The following SLAIN2 variants were observed in gnomAD, a reference collection of about 807,000 sequenced individuals.
The protein encoded by SLAIN2 is SLAIN family member 2.
In SLAIN2, 31 loss-of-function variants were observed where a neutral mutation model predicts 56.6. That is an observed-to-expected ratio of 0.55 (90% confidence interval 0.41 to 0.74). The LOEUF (loss-of-function observed/expected upper bound fraction) is 0.74, where lower values mean the gene tolerates loss of function less well. SLAIN2 is among the 30% of genes least tolerant of loss of function. The probability of loss-of-function intolerance (pLI) is 0.00; values close to 1 mark genes in which losing one functional copy is unlikely to be tolerated. For synonymous variants in SLAIN2, 317 were observed against 284.9 expected (o/e 1.11, Z -1.13); for missense variants, 777 against 754.2 (o/e 1.03, Z -0.35).
chr4:48,388,750 C>G (rs527590857), intron 6 of SLAIN2, among the ~76,000 whole-genome samples: 1 of 152,320 alleles, frequency 6.6e-6, no homozygotes, highest in South Asian at 2.1e-4. Context: ...GGAAAACATT[C>G]TTGAATGACT....
At chr4:48,354,560 G>A (rs1336160478) in intron 1 of SLAIN2, among the ~76,000 whole-genome samples, 2 of 152,038 alleles carry the variant, frequency 1.3e-5, no homozygotes, top group African/African-American at 2.4e-5. Flanking sequence ...TTTGCAGCCC[G>A]GGTTCAAGCG....
intron 1 of SLAIN2, among the ~76,000 whole-genome samples, chr4:48,359,389 T>C (rs1198611731): frequency 6.6e-6 from 1 of 152,246 alleles, no homozygotes; most frequent in Non-Finnish European, 1.5e-5. Flanking sequence ...AATATAACTT[T>C]TATTTTTATC....
intron 1 of SLAIN2, among the ~76,000 whole-genome samples, chr4:48,344,258 C>T (rs1284861197): frequency 1.3e-5 from 2 of 152,032 alleles, no homozygotes; most frequent in African/African-American, 2.4e-5. Context: ...ATTTAAAATG[C>T]GTTGGGGTAT....
chr4:48,392,315 CTGT>C (rs934797234), intron 6 of SLAIN2, among the ~76,000 whole-genome samples: 9 of 152,242 alleles, frequency 5.9e-5, no homozygotes, highest in East Asian at 1.9e-4. Flanking sequence ...CTGTAGATAA[CTGT>C]TGTTATTACA....
chr4:48,354,727 G>A (rs930927746), intron 1 of SLAIN2, among the ~76,000 whole-genome samples: 5 of 152,082 alleles, frequency 3.3e-5, no homozygotes, highest in Admixed American at 3.3e-4. Flanking sequence ...GCCTCCCAGA[G>A]TGCTGGGATT....
At chr4:48,365,306 T>C (rs1472102043) in intron 1 of SLAIN2, among the ~76,000 whole-genome samples, 1 of 151,600 alleles carries the variant, frequency 6.6e-6, no homozygotes, top group Admixed American at 6.6e-5. Flanking sequence ...CCGTCTCTAC[T>C]AAAAATACAA....
At chr4:48,378,131 T>C (rs1715877141) in intron 3 of SLAIN2, 71 bp downstream of exon 3, 2 of 1,474,354 alleles carry the variant, frequency 1.4e-6, no homozygotes, top group Non-Finnish European at 9.2e-7. Context: ...GAAAATAACA[T>C]TCATCTGCAG....
intron 6 of SLAIN2, among the ~76,000 whole-genome samples, chr4:48,389,023 A>G (rs1196960405): frequency 6.6e-6 from 1 of 152,204 alleles, no homozygotes; most frequent in African/African-American, 2.4e-5. Flanking sequence ...TGAGGAAGGA[A>G]TTCCCATCCA....
rs1197949593 is a variant in SLAIN2 at position 48,341,717 on chromosome 4, G to A, written c.-23G>A. 2 of 1,474,396 alleles carry A rather than the reference G, an allele frequency of 1.4e-6. No homozygotes were observed. The highest frequency in any genetic ancestry group is 2.9e-5 in the African/African-American group (2 of 68,582). The allele number at this position is 1,474,396 out of a possible 1,614,324, so 91.3% of individuals were successfully genotyped here. On this transcript the variant is annotated 5_prime_UTR_variant, in exon 1 of 8. Transcript: ENST00000264313. ...CTGCGAGAGCGAGCGGGCGGCGGAG[G>A]CGGCGGCGGCGGCGGGGCCGGGATG... is the stretch of plus-strand genomic sequence containing the variant.
intron 6 of SLAIN2, among the ~76,000 whole-genome samples, chr4:48,418,434 C>G (rs1335825952): frequency 6.6e-6 from 1 of 152,034 alleles, no homozygotes; most frequent in Admixed American, 6.6e-5. Context: ...TTTCTTCATC[C>G]TGTTACTGTG....
intron 5 of SLAIN2, among the ~76,000 whole-genome samples, chr4:48,383,351 A>G (rs1381235284): frequency 6.6e-6 from 1 of 151,920 alleles, no homozygotes; most frequent in Non-Finnish European, 1.5e-5. Flanking sequence ...GAGAAAGTGA[A>G]TTTCATTTTA....
Position 48,369,834 on chromosome 4 carries a change from G to C in SLAIN2, c.390-15G>C. ...CTTAATAAGGAATTTTCTGTTTTTT[G>C]TTGTCTTCTTCTAGGCTGTATTCAT... On this transcript the variant is annotated splice_polypyrimidine_tract_variant and intron_variant, in intron 1 of 7. Transcript: ENST00000264313. 6.3e-7 allele frequency: 1 copy of C among 1,596,994 alleles called. No homozygotes were observed. The highest frequency in any genetic ancestry group is 1.4e-5 in the African/African-American group (1 of 73,950).
chr4:48,358,843 C>T (rs1042542306), intron 1 of SLAIN2, among the ~76,000 whole-genome samples: 8 of 152,166 alleles, frequency 5.3e-5, no homozygotes, highest in African/African-American at 1.7e-4. Context: ...GCCTCAGCCT[C>T]CTGAGTAGCT....
chr4:48,362,638 C>T (rs1715358696), intron 1 of SLAIN2, among the ~76,000 whole-genome samples: 1 of 149,758 alleles, frequency 6.7e-6, no homozygotes, highest in Non-Finnish European at 1.5e-5. Context: ...CCAGGATGGT[C>T]TCGATCTACT....
intron 6 of SLAIN2, among the ~76,000 whole-genome samples, chr4:48,385,017 A>G (rs1186128363): frequency 2.6e-5 from 4 of 152,200 alleles, no homozygotes; most frequent in African/African-American, 9.6e-5. Context: ...GAAAGATTTG[A>G]AGGTAATGTG....
At chr4:48,411,846 GA>G (rs1222435777) in intron 6 of SLAIN2, among the ~76,000 whole-genome samples, 4 of 152,140 alleles carry the variant, frequency 2.6e-5, no homozygotes, top group Non-Finnish European at 5.9e-5. Context: ...CTTCTGCACA[GA>G]TACTGATAAT....
chr4:48,363,806 G>GC (rs1715417758), intron 1 of SLAIN2, among the ~76,000 whole-genome samples: 1 of 62,274 alleles, frequency 1.6e-5, no homozygotes. Context: ...GCTGACCCCC[G>GC]CATCTCCCTC....
chr4:48,353,224 T>G (rs1471708715), intron 1 of SLAIN2, among the ~76,000 whole-genome samples: 1 of 152,160 alleles, frequency 6.6e-6, no homozygotes, highest in Non-Finnish European at 1.5e-5. Flanking sequence ...TGAGAGTCAA[T>G]GGAGCACTAA....
At chr4:48,395,398 A>G (rs544051327) in intron 6 of SLAIN2, among the ~76,000 whole-genome samples, 8 of 152,312 alleles carry the variant, frequency 5.3e-5, no homozygotes, top group Non-Finnish European at 1.2e-4. Flanking sequence ...TAACAGAGAT[A>G]AAGCACTAAA....
Sources: gnomAD v4.1 joint callset for allele counts (sites outside exome capture counted in the v4.1 genomes callset) on GRCh38, gnomAD v4.1.1 for gene constraint, MANE v1.5 for transcripts, NCBI Gene and HGNC (gene_info 2026-07-23, HGNC 2026-07-21) for gene names.